Variants in KANK1 observed in about 807,000 individuals in gnomAD.
The protein encoded by KANK1 is KN motif and ankyrin repeat domains 1.
In KANK1, 109 loss-of-function variants were observed where a neutral mutation model predicts 106.2. The observed-to-expected ratio is 1.03, with a 90% confidence interval of 0.88 to 1.20. KANK1 has a LOEUF of 1.20. Ranked by LOEUF, KANK1 falls within the 50% of genes most tolerant of loss-of-function variation. KANK1 has a pLI of 0.00. For missense variants in KANK1, 2,399 were observed against 1,710.7 expected (o/e 1.40, Z -7.10); for synonymous variants, 873 against 652.2 (o/e 1.34, Z -5.16).
intron 1 of KANK1, among the ~76,000 whole-genome samples, chr9:559,509 T>C (rs2134337309): frequency 6.6e-6 from 1 of 152,314 alleles, no homozygotes; most frequent in South Asian, 2.1e-4. Flanking sequence ...TCATTATATC[T>C]TGGGACACTT....
intron 2 of KANK1, chr9:707,169 C>A: frequency 1.0e-6 from 1 of 985,748 alleles, no homozygotes; most frequent in South Asian, 4.7e-5. Flanking sequence ...TCGAGGGCGC[C>A]CGAGGCCGGG....
rs565510131 is a variant in KANK1 at position 481,599 on chromosome 9, G to A, written c.-362+8326G>A. ...TGTCCATACAAAGGCAGCCAACAAC[G>A]GCGGGCAAAAAGCTCATGACGGCTC... On this transcript the variant is annotated intron_variant, in intron 3 of 15. Transcript: ENST00000382303. 3.9e-5 allele frequency among the ~76,000 whole-genome samples: 6 copies of A among 152,250 alleles called. No homozygotes were observed. In the East Asian group the frequency reaches 5.8e-4, roughly 15 times the overall value.
At chr9:515,971 T>A (rs1236707228) in intron 1 of KANK1, among the ~76,000 whole-genome samples, 1 of 151,842 alleles carries the variant, frequency 6.6e-6, no homozygotes, top group Admixed American at 6.6e-5. Flanking sequence ...TATTTTATCC[T>A]CTCAGTTGTT....
At chr9:518,089 T>C (rs1052353165) in intron 1 of KANK1, among the ~76,000 whole-genome samples, 1 of 151,656 alleles carries the variant, frequency 6.6e-6, no homozygotes, top group Non-Finnish European at 1.5e-5. Flanking sequence ...GTAGCCTTAG[T>C]ACTGTGGAAA....
At chr9:602,058 C>A (rs941212378) in intron 1 of KANK1, among the ~76,000 whole-genome samples, 2 of 151,790 alleles carry the variant, frequency 1.3e-5, no homozygotes, top group Non-Finnish European at 2.9e-5. Flanking sequence ...TCATTTTGAT[C>A]ACTTAATGTT....
chr9:551,266 T>C (rs2061266016), intron 1 of KANK1, among the ~76,000 whole-genome samples: 1 of 151,630 alleles, frequency 6.6e-6, no homozygotes, highest in Admixed American at 6.6e-5. Context: ...GTTTCCCTCT[T>C]TTTGTCCAGA....
At chr9:564,725 T>G (rs1219735789) in intron 1 of KANK1, among the ~76,000 whole-genome samples, 1 of 152,242 alleles carries the variant, frequency 6.6e-6, no homozygotes, top group African/African-American at 2.4e-5. Flanking sequence ...TAACACTCTT[T>G]CAGGAGATGC....
At chr9:503,198 A>T (rs2058598305), upstream of KANK1, among the ~76,000 whole-genome samples, 1 of 151,912 alleles carries the variant, frequency 6.6e-6, no homozygotes, top group Non-Finnish European at 1.5e-5. Flanking sequence ...CCTTATCACC[A>T]TGCAAACAAT....
At chr9:623,537 C>G (rs1037575361) in intron 1 of KANK1, among the ~76,000 whole-genome samples, 4 of 149,392 alleles carry the variant, frequency 2.7e-5, no homozygotes, top group Admixed American at 6.7e-5. Context: ...CCGAAGAGGT[C>G]GAGACTGCAT....
At chr9:702,341 G>A (rs79904319) in intron 2 of KANK1, among the ~76,000 whole-genome samples, 1,954 of 152,234 alleles carry the variant, frequency 0.013, 46 homozygotes, top group African/African-American at 0.045. Flanking sequence ...TCATGTAGCT[G>A]TTTGCTTCAC....
chr9:662,475 A>G (rs1181729072), intron 1 of KANK1, among the ~76,000 whole-genome samples: 1 of 152,164 alleles, frequency 6.6e-6, no homozygotes, highest in Non-Finnish European at 1.5e-5. Context: ...GTACCAAAAC[A>G]GAGATAGACA....
chr9:523,620 C>T (rs1339382800), intron 1 of KANK1, among the ~76,000 whole-genome samples: 1 of 151,736 alleles, frequency 6.6e-6, no homozygotes, highest in Non-Finnish European at 1.5e-5. Flanking sequence ...GTGCTCGCCC[C>T]CACCTCTGCT....
intron 1 of KANK1, among the ~76,000 whole-genome samples, chr9:658,070 T>C (rs547653110): frequency 5.8e-4 from 88 of 152,116 alleles, no homozygotes; most frequent in African/African-American, 2.0e-3. Flanking sequence ...AAAAAATACA[T>C]GTATTTTTTA....
At position 742,264 on chromosome 9, in the gene KANK1, C is replaced by T; in HGVS notation, c.3756C>T (p.Gly1252=). Reference sequence around the variant, plus strand: ...ACGGACGGATAGACATGGTGAAGGGCCTTCTGGCCTGTGGGGCTGATGTCA... The same window carrying T: ...ACGGACGGATAGACATGGTGAAGGGTCTTCTGGCCTGTGGGGCTGATGTCA... ...VSHGRIDMVK[G]LLACGADVNI... Residue 1252 remains glycine (G), a synonymous_variant, in exon 10 of 12, where the codon GGC becomes GGT. Transcript: ENST00000382297. 6.2e-7 allele frequency: 1 copy of T among 1,614,186 alleles called. No individual in the cohort carries two copies. Among genetic ancestry groups the T allele is most frequent in the Non-Finnish European group, 8.5e-7 (1 of 1,180,012 alleles).
At position 657,474 on chromosome 9, in the gene KANK1, A is replaced by G. The variant is rs529255438; in HGVS notation, c.-83-19416A>G. Among the ~76,000 whole-genome samples the G allele has an allele frequency of 2.4e-4, 37 of 152,104 alleles. No homozygotes were observed. In the South Asian group the frequency reaches 3.5e-3, roughly 14 times the overall value. ...TACTGTTTTCTGTAGCAGCTGCACC[A>G]TTTTACAGTTTCACCAACAACTCTC... On this transcript the variant is annotated intron_variant, in intron 1 of 11. Transcript: ENST00000382297.
At chr9:736,057 G>C (rs1054133954) in intron 7 of KANK1, among the ~76,000 whole-genome samples, 2 of 152,020 alleles carry the variant, frequency 1.3e-5, no homozygotes, top group Non-Finnish European at 2.9e-5. Context: ...TCCCGGGTTC[G>C]GGCCATTCTC....
chr9:700,382 T>A (rs975677836), intron 2 of KANK1, among the ~76,000 whole-genome samples: 2 of 152,204 alleles, frequency 1.3e-5, no homozygotes, highest in Non-Finnish European at 1.5e-5. Context: ...CATCAGGAGA[T>A]ACCACCTGCT....
intron 2 of KANK1, chr9:686,634 A>G (rs1290244183): frequency 4.3e-6 from 2 of 464,988 alleles, no homozygotes; most frequent in Admixed American, 6.4e-5. Flanking sequence ...AGATTTTTCC[A>G]TTAGCACCAC....
intron 2 of KANK1, among the ~76,000 whole-genome samples, chr9:690,133 C>CAAAAAAAAAAAAAAAAAAAA (rs57837964): frequency 1.6e-5 from 1 of 61,650 alleles, no homozygotes; most frequent in Non-Finnish European, 2.7e-5. Context: ...TCTAAAAATA[C>CAAAAAAAAAAAAAAAAAAAA]AAAAAAAAAA....
Sources: gnomAD v4.1 joint callset for allele counts (sites outside exome capture counted in the v4.1 genomes callset) on GRCh38, gnomAD v4.1.1 for gene constraint, MANE v1.5 for transcripts, NCBI Gene and HGNC (gene_info 2026-07-23, HGNC 2026-07-21) for gene names.